Variants in CNTN3 observed in about 807,000 individuals in gnomAD.
CNTN3 encodes the protein contactin-3.
A neutral mutation model predicts 119.1 loss-of-function variants in CNTN3; 60 were observed. That is an observed-to-expected ratio of 0.50 (90% CI 0.41 to 0.62). CNTN3 has a LOEUF of 0.62. Ranked by LOEUF, CNTN3 falls within the 20% of genes least tolerant of loss-of-function variation. The probability of loss-of-function intolerance (pLI) is 0.00; values close to 1 mark genes in which losing one functional copy is unlikely to be tolerated. For missense variants in CNTN3, 1,101 were observed against 1,242.4 expected (o/e 0.89, Z 1.71); for synonymous variants, 450 against 438.7 (o/e 1.03, Z -0.32).
In CNTN3 at chr3:74,334,932, A is replaced by C. The variant is rs370438081; in HGVS notation, c.1493-22T>G. 536 of 1,585,998 alleles carry C rather than the reference A, an allele frequency of 3.4e-4. 1 individual carries two copies. Among genetic ancestry groups the C allele is most frequent in the South Asian group, 5.5e-4 (49 of 88,890 alleles). On this transcript the variant is annotated intron_variant, in intron 12 of 22. Coordinates refer to ENST00000263665, the MANE Select transcript of CNTN3 (RefSeq NM_020872.3). ...GGTTCTATTGGGGAAATAATTTTTC[A>C]GAAAAACAGCATTTTATTGTGATAA...
chr3:74,368,087 G>A (rs1704242267), intron 8 of CNTN3, among the ~76,000 whole-genome samples: 1 of 152,078 alleles, frequency 6.6e-6, no homozygotes, highest in Admixed American at 6.6e-5. Context: ...CAAGCAACAA[G>A]ATGGGAGAGT....
Position 74,365,659 on chromosome 3 carries a change from G to T in CNTN3, c.990C>A (p.Ala330=), listed in dbSNP as rs138191723. 6.2e-7 allele frequency: 1 copy of T among 1,613,220 alleles called. No homozygotes were observed. The highest frequency in any genetic ancestry group is 8.5e-7 in the Non-Finnish European group (1 of 1,179,522). ...ATTCCCAATAAAGACTGTCCTCCAC[G>T]GCTATTTCCACATCCTTTATGAGTT... ...WVQLIKDVEI[A]VEDSLYWECR... Residue 330 remains alanine (A), a synonymous_variant, in exon 9 of 23, where the codon GCC becomes GCA. Coordinates refer to ENST00000263665, the MANE Select transcript of CNTN3 (RefSeq NM_020872.3).
chr3:74,503,276 C>T (rs1703197404), intron 2 of CNTN3, among the ~76,000 whole-genome samples: 1 of 152,114 alleles, frequency 6.6e-6, no homozygotes, highest in Admixed American at 6.6e-5. Flanking sequence ...TTTTCAACTT[C>T]AGTATTTCCT....
At chr3:74,588,291 A>G (rs923708468) in intron 1 of CNTN3, among the ~76,000 whole-genome samples, 3 of 152,274 alleles carry the variant, frequency 2.0e-5, no homozygotes, top group African/African-American at 7.2e-5. Context: ...AAAAATCACA[A>G]GCATTCTTAT....
intron 19 of CNTN3, among the ~76,000 whole-genome samples, chr3:74,288,378 C>G (rs570328202): frequency 1.3e-5 from 2 of 151,834 alleles, no homozygotes; most frequent in East Asian, 1.9e-4. Context: ...ATCCTGGACT[C>G]GAACTCCTGA....
chr3:74,511,235 G>C (rs998828877), intron 2 of CNTN3, among the ~76,000 whole-genome samples: 2 of 152,076 alleles, frequency 1.3e-5, no homozygotes, highest in Non-Finnish European at 2.9e-5. Context: ...CAATTCAGCA[G>C]TTCCATATTG....
intron 4 of CNTN3, among the ~76,000 whole-genome samples, chr3:74,479,452 G>A (rs2107023290): frequency 6.6e-6 from 1 of 152,218 alleles, no homozygotes; most frequent in East Asian, 1.9e-4. Flanking sequence ...AGCACAGCAA[G>A]CTAGTTAGCA....
intron 20 of CNTN3, among the ~76,000 whole-genome samples, chr3:74,276,847 G>T (rs1238328610): frequency 1.3e-5 from 2 of 151,926 alleles, no homozygotes; most frequent in African/African-American, 4.8e-5. Flanking sequence ...ACAAAAATCT[G>T]GGTCTTCAAA....
chr3:74,421,774 A>C (rs1701619738), intron 5 of CNTN3, among the ~76,000 whole-genome samples: 1 of 152,174 alleles, frequency 6.6e-6, no homozygotes, highest in African/African-American at 2.4e-5. Context: ...TTAATCCTTC[A>C]TCAGTTGTAC....
chr3:74,304,689 G>A (rs1702525227), intron 13 of CNTN3, among the ~76,000 whole-genome samples: 1 of 152,150 alleles, frequency 6.6e-6, no homozygotes, highest in Non-Finnish European at 1.5e-5. Context: ...ACTGACAGGT[G>A]AAGACAAATA....
intron 19 of CNTN3, among the ~76,000 whole-genome samples, chr3:74,286,181 G>A (rs1702113329): frequency 6.6e-6 from 1 of 152,046 alleles, no homozygotes. Flanking sequence ...TGAACGTAAG[G>A]TTGACAGAAC....
At chr3:74,380,570 C>T (rs1313562174) in intron 5 of CNTN3, among the ~76,000 whole-genome samples, 1 of 152,192 alleles carries the variant, frequency 6.6e-6, no homozygotes, top group East Asian at 1.9e-4. Context: ...TTACACTGCC[C>T]TTGCAAAATG....
intron 2 of CNTN3, among the ~76,000 whole-genome samples, chr3:74,510,499 G>C (rs1440298541): frequency 6.6e-6 from 1 of 152,050 alleles, no homozygotes; most frequent in Non-Finnish European, 1.5e-5. Context: ...CACCCTAACA[G>C]TAATCTTTTG....
intron 5 of CNTN3, among the ~76,000 whole-genome samples, chr3:74,404,743 C>T (rs1157134776): frequency 3.3e-5 from 5 of 151,936 alleles, no homozygotes; most frequent in Non-Finnish European, 5.9e-5. Flanking sequence ...GATTTTTCTA[C>T]TGTGTGTTTC....
intron 4 of CNTN3, among the ~76,000 whole-genome samples, chr3:74,461,854 A>T (rs1450630049): frequency 6.6e-6 from 1 of 152,056 alleles, no homozygotes; most frequent in Non-Finnish European, 1.5e-5. Flanking sequence ...TATGTTTCTC[A>T]ATTCTTCAAC....
At chr3:74,474,937 C>T (rs1001881934) in intron 4 of CNTN3, among the ~76,000 whole-genome samples, 3 of 152,156 alleles carry the variant, frequency 2.0e-5, no homozygotes, top group Non-Finnish European at 4.4e-5. Context: ...CCCTCTTCGC[C>T]TTCTGCCATG....
chr3:74,301,018 C>T (rs1702442149), intron 16 of CNTN3, among the ~76,000 whole-genome samples: 1 of 152,154 alleles, frequency 6.6e-6, no homozygotes, highest in Non-Finnish European at 1.5e-5. Flanking sequence ...AATGAGATTT[C>T]CTAGCAGCAG....
intron 4 of CNTN3, among the ~76,000 whole-genome samples, chr3:74,472,383 G>A (rs1169508209): frequency 1.3e-5 from 2 of 152,124 alleles, no homozygotes; most frequent in Admixed American, 1.3e-4. Context: ...CAAGTCCAGT[G>A]AAAATTTAGA....
chr3:74,407,254 C>A (rs114764502), intron 5 of CNTN3, among the ~76,000 whole-genome samples: 1,872 of 143,534 alleles, frequency 0.013, 44 homozygotes, highest in African/African-American at 0.041. Context: ...ATAGCCAGGC[C>A]AAATATTCTA....
Sources: allele counts gnomAD v4.1 joint callset (sites outside exome capture counted in the v4.1 genomes callset), GRCh38; gene constraint gnomAD v4.1.1; transcripts MANE v1.5; gene names NCBI Gene and HGNC (gene_info 2026-07-23, HGNC 2026-07-21).